TNS1: variants seen among roughly 807,000 people sequenced by gnomAD.
TNS1 encodes tensin-1.
In TNS1, 62 loss-of-function variants were observed where a neutral mutation model predicts 168.6. The ratio of observed to expected loss-of-function variants is 0.37; its 90% confidence interval spans 0.30 to 0.45. The LOEUF (loss-of-function observed/expected upper bound fraction) is 0.45. Among genes scored for constraint, TNS1 ranks in the 20% least tolerant of loss-of-function variants. The pLI is 1.00. For synonymous variants in TNS1, 934 were observed against 933.2 expected, an observed-to-expected ratio of 1.00 and a Z score of -0.02; for missense variants, 2,240 against 2,339.4, an observed-to-expected ratio of 0.96 and a Z score of 0.88.
intron 22 of TNS1, among the ~76,000 whole-genome samples, chr2:217,825,462 A>G (rs1420961170): frequency 6.6e-6 from 1 of 152,196 alleles, no homozygotes; most frequent in Non-Finnish European, 1.5e-5. Context: ...AGACCTTTTA[A>G]GAGTCCATCA....
At chr2:217,805,995 C>A (rs1459220433) in intron 32 of TNS1, among the ~76,000 whole-genome samples, 1 of 152,200 alleles carries the variant, frequency 6.6e-6, no homozygotes, top group Non-Finnish European at 1.5e-5. Context: ...GGGTAATGCC[C>A]AGGTGGTGGG....
chr2:217,990,606 C>T (rs954793955), intron 2 of TNS1, among the ~76,000 whole-genome samples: 4 of 152,222 alleles, frequency 2.6e-5, no homozygotes, highest in African/African-American at 9.7e-5. Flanking sequence ...CTCCACATGC[C>T]ACCACATACT....
At chr2:217,946,861 T>C (rs2373238) in intron 3 of TNS1, among the ~76,000 whole-genome samples, 60,871 of 151,558 alleles carry the variant, frequency 0.4, 17,958 homozygotes, top group African/African-American at 0.84. Flanking sequence ...AAAGAGCAGC[T>C]TTCCTCCTTA....
rs1206635725 is a variant in TNS1 at position 217,995,767 on chromosome 2, C to A, written c.34-4711G>T. 1.3e-5 allele frequency among the ~76,000 whole-genome samples: 2 copies of A among 152,180 alleles called. No individual in the cohort carries two copies. Among genetic ancestry groups the A allele is most frequent in the African/African-American group, 4.8e-5 (2 of 41,440 alleles). ...GGGAGCTGCCTGGTCTCTCCACACCCACACCCCTCAACCCCCACCTCTCTC... is the reference window on the plus strand; with the variant it reads ...GGGAGCTGCCTGGTCTCTCCACACCAACACCCCTCAACCCCCACCTCTCTC... On this transcript the variant is annotated intron_variant, in intron 1 of 32. Coordinates refer to ENST00000682258, the MANE Select transcript of TNS1 (RefSeq NM_001387777.1). The surrounding 1 kb of genome is among the most constrained non-coding windows in gnomAD (Gnocchi z 4.1).
At chr2:217,822,098 C>T (rs1574631915) in intron 22 of TNS1, among the ~76,000 whole-genome samples, 160 bp from the exon 23 acceptor site, 2 of 152,126 alleles carry the variant, frequency 1.3e-5, no homozygotes, top group African/African-American at 4.8e-5. Context: ...CCCAGACCCA[C>T]CCTGCCCTGC....
chr2:217,906,265 T>TG, intron 6 of TNS1, 70 bp downstream of exon 6: 9 of 596,248 alleles, frequency 1.5e-5, no homozygotes, highest in Non-Finnish European at 2.5e-5. Context: ...ATTATCCACC[T>TG]CCCACCCCAC....
chr2:217,865,693 G>A (rs1949211525), intron 18 of TNS1, among the ~76,000 whole-genome samples: 2 of 152,298 alleles, frequency 1.3e-5, no homozygotes, highest in African/African-American at 2.4e-5. Context: ...TGCTTCCCAG[G>A]GCACAGGGAG....
chr2:217,937,113 TG>T (rs1956650372), intron 3 of TNS1: 1 of 441,036 alleles, frequency 2.3e-6, no homozygotes, highest in Admixed American at 2.4e-5. Flanking sequence ...TCCTCCGCTC[TG>T]CCAGCTCACA....
At chr2:217,864,477 G>A (rs773300735) in intron 18 of TNS1, among the ~76,000 whole-genome samples, 2 of 152,200 alleles carry the variant, frequency 1.3e-5, no homozygotes, top group Non-Finnish European at 2.9e-5. Flanking sequence ...GTCTGACTCT[G>A]ACATTCATGC....
rs1950777881 is a variant in TNS1 at position 217,882,494 on chromosome 2, A to C, written c.1247-83T>G. 6.2e-6 allele frequency: 5 copies of C among 810,438 alleles called. No individual in the cohort carries two copies. In the South Asian group the frequency reaches 6.4e-5, roughly 10 times the overall value. The allele number at this position is 810,438 out of a possible 1,614,324, so 50.2% of individuals were successfully genotyped here. On this transcript the variant is annotated intron_variant, in intron 16 of 32. Coordinates refer to ENST00000682258, the MANE Select transcript of TNS1 (RefSeq NM_001387777.1). ...AAAAGTTTTCTTCTAGAAAAAATTA[A>C]AATACCATATATGTACATGGTTAAT...
intron 3 of TNS1, chr2:217,937,152 C>A (rs1956652370): frequency 2.5e-6 from 1 of 405,966 alleles, no homozygotes; most frequent in South Asian, 1.8e-5. Context: ...GACATTCCCA[C>A]TGCGTTTTGC....
Position 217,948,551 on chromosome 2 carries a change from C to G in TNS1, c.187-28315G>C, listed in dbSNP as rs956608321. Among the ~76,000 whole-genome samples the G allele has an allele frequency of 2.6e-5, 4 of 152,128 alleles. No individual in the cohort carries two copies. The highest frequency in any genetic ancestry group is 4.4e-5 in the Non-Finnish European group (3 of 68,008). The stretch of plus-strand genomic sequence containing the variant: ...TTCCCTCTTCTGACCATGCCCTCCC[C>G]GCTACAGCTAGAGATGAGTTCGGGC... On this transcript the variant is annotated intron_variant, in intron 3 of 32. Transcript: ENST00000682258. This position sits in a 1 kb window ranked among gnomAD's most constrained non-coding sequence, Gnocchi z 4.1.
At chr2:217,939,586 A>G (rs796891329) in intron 3 of TNS1, among the ~76,000 whole-genome samples, 159 of 152,378 alleles carry the variant, frequency 1.0e-3, no homozygotes, top group African/African-American at 3.3e-3. Context: ...AAATGGACCC[A>G]GGTCTGGGGC....
intron 2 of TNS1, among the ~76,000 whole-genome samples, chr2:217,982,082 T>C (rs1958065610): frequency 6.6e-6 from 1 of 152,240 alleles, no homozygotes; most frequent in East Asian, 1.9e-4. Flanking sequence ...CCTTGGTCTC[T>C]TGGATCACTT....
chr2:217,915,561 T>C (rs1282381953), intron 4 of TNS1, among the ~76,000 whole-genome samples: 1 of 152,194 alleles, frequency 6.6e-6, no homozygotes, highest in African/African-American at 2.4e-5. Flanking sequence ...ATTGGTAAGA[T>C]GGCTGGATGG....
At position 217,978,901 on chromosome 2, in the gene TNS1, G is replaced by GGGAAGGAA. The variant is rs1957963301; in HGVS notation, c.149-107_149-100dup. On this transcript the variant is annotated intron_variant, in intron 2 of 32. Transcript: ENST00000682258. ...CCACCCCAGCCCGCAATCCGCGCTC[G>GGGAAGGAA]GGAAGGAAGGAGGGAAGGAGGGACG... 1.4e-5 allele frequency: 10 copies of GGGAAGGAA among 693,604 alleles called. No individual in the cohort carries two copies. In the Admixed American group the frequency reaches 2.0e-4, roughly 14 times the overall value. 43.0% of individuals were successfully genotyped at this position (693,604 alleles called of 1,614,324 possible).
chr2:217,976,816 A>T (rs573337446), intron 3 of TNS1, among the ~76,000 whole-genome samples: 148 of 152,294 alleles, frequency 9.7e-4, no homozygotes, highest in African/African-American at 3.2e-3. Context: ...TCCTAAATAT[A>T]TCCTGCTGCT....
intron 18 of TNS1, among the ~76,000 whole-genome samples, chr2:217,857,767 C>T (rs1948325549): frequency 6.6e-6 from 1 of 152,200 alleles, no homozygotes; most frequent in African/African-American, 2.4e-5. Context: ...TGACTCCGGC[C>T]TGGCCTGTGT....
Position 217,802,770 on chromosome 2 carries a change from A to G in TNS1, c.*1689T>C, listed in dbSNP as rs1221335679. On this transcript the variant is annotated 3_prime_UTR_variant, in exon 33 of 33. Coordinates refer to ENST00000682258, the MANE Select transcript of TNS1 (RefSeq NM_001387777.1). Reference sequence around the variant, plus strand: ...GAAAAACAATAAATACTTCTTGTCAATTTACCTATTCTTTTTTTAACCTTT... The same window carrying G: ...GAAAAACAATAAATACTTCTTGTCAGTTTACCTATTCTTTTTTTAACCTTT... The G allele has an allele frequency of 6.6e-6, 1 of 152,618 alleles. No homozygotes were observed. The highest frequency in any genetic ancestry group is 1.9e-4 in the East Asian group (1 of 5,198). The allele number at this position is 152,618 out of a possible 1,614,324, so 9.5% of individuals were successfully genotyped here. A position where few individuals can be genotyped will look rare whatever the true frequency, so the allele number is the denominator to read the frequency against.
Sources: allele counts gnomAD v4.1 joint callset (sites outside exome capture counted in the v4.1 genomes callset), GRCh38; gene constraint gnomAD v4.1.1; non-coding constraint Gnocchi (gnomAD v3.1); transcripts MANE v1.5; gene names NCBI Gene and HGNC (gene_info 2026-07-23, HGNC 2026-07-21).